Variants in CMIP observed in about 807,000 individuals in gnomAD.
CMIP encodes c-Maf inducing protein.
CMIP carries 13 observed loss-of-function variants against 97.3 expected under a neutral mutation model. That is an observed-to-expected ratio of 0.13 (90% CI 0.09 to 0.21). The LOEUF (loss-of-function observed/expected upper bound fraction) is 0.21. Among genes scored for constraint, CMIP ranks in the 10% least tolerant of loss-of-function variants. The probability of loss-of-function intolerance (pLI) is 1.00; values close to 1 mark genes in which losing one functional copy is unlikely to be tolerated. For synonymous variants in CMIP, 538 were observed against 436.3 expected (o/e 1.23, Z -2.91); for missense variants, 847 against 1,024.9 (o/e 0.83, Z 2.37).
chr16:81,497,247 C>T (rs1456479216), intron 1 of CMIP, among the ~76,000 whole-genome samples: 1 of 152,204 alleles, frequency 6.6e-6, no homozygotes, highest in East Asian at 1.9e-4. Context: ...TTTATGAGAA[C>T]AGCTGTCACT....
chr16:81,556,487 A>G (rs747526889), intron 1 of CMIP, among the ~76,000 whole-genome samples: 8 of 152,216 alleles, frequency 5.3e-5, no homozygotes, highest in South Asian at 2.1e-4. Flanking sequence ...TTTCTCCACA[A>G]TGTGCCAACG....
At chr16:81,541,609 G>A (rs1353080936) in intron 1 of CMIP, among the ~76,000 whole-genome samples, 1 of 152,240 alleles carries the variant, frequency 6.6e-6, no homozygotes. Flanking sequence ...TATGAAATAT[G>A]AGCGTGAAGA....
intron 1 of CMIP, among the ~76,000 whole-genome samples, chr16:81,531,179 A>G (rs193058259): frequency 6.6e-6 from 1 of 152,280 alleles, no homozygotes; most frequent in African/African-American, 2.4e-5. Flanking sequence ...CTGTGTCCGT[A>G]AAAGATGAGG....
At chr16:81,567,920 T>C (rs1442566771) in intron 1 of CMIP, among the ~76,000 whole-genome samples, 1 of 152,174 alleles carries the variant, frequency 6.6e-6, no homozygotes, top group Non-Finnish European at 1.5e-5. Context: ...TCCCCTAATG[T>C]TTCATTCTCC....
chr16:81,585,290 G>A (rs999311210), intron 1 of CMIP, among the ~76,000 whole-genome samples: 4 of 152,206 alleles, frequency 2.6e-5, no homozygotes, highest in African/African-American at 9.7e-5. Flanking sequence ...GCAGTGAGCC[G>A]AGATTGTGCC....
chr16:81,604,448 C>G (rs1166372960), intron 1 of CMIP, among the ~76,000 whole-genome samples: 1 of 149,484 alleles, frequency 6.7e-6, no homozygotes, highest in Non-Finnish European at 1.5e-5. Flanking sequence ...GCCTGTAATC[C>G]CAGCACTTTG....
Position 81,476,894 on chromosome 16 carries a change from G to T in CMIP, c.300+31353G>T, listed in dbSNP as rs16955430. Among the ~76,000 whole-genome samples, 510 of 152,000 alleles carry T rather than the reference G, an allele frequency of 3.4e-3. 5 individuals carry two copies. Among genetic ancestry groups the T allele is most frequent in the African/African-American group, 0.012 (480 of 41,442 alleles). ...ACGTCAGCCAAGTTCAGCTTCTCAG[G>T]CTCCCTAAGGATCTTTAGGAGACGG... On this transcript the variant is annotated intron_variant, in intron 1 of 20. Transcript: ENST00000537098.
intron 1 of CMIP, among the ~76,000 whole-genome samples, chr16:81,593,018 C>G (rs1486311837): frequency 1.3e-5 from 2 of 152,248 alleles, no homozygotes; most frequent in Non-Finnish European, 2.9e-5. Flanking sequence ...TCCCTCTTCT[C>G]ATGCCCACGA....
At chr16:81,517,869 G>C (rs1597496375) in intron 1 of CMIP, 2 of 898,168 alleles carry the variant, frequency 2.2e-6, no homozygotes, top group Non-Finnish European at 2.7e-6. Flanking sequence ...CCAGGGCGCA[G>C]AGTTGGCAGT....
chr16:81,661,128 G>T (rs559874823), intron 6 of CMIP, among the ~76,000 whole-genome samples, 182 bp downstream of exon 6: 1 of 152,336 alleles, frequency 6.6e-6, no homozygotes, highest in South Asian at 2.1e-4. Flanking sequence ...CCACGTCTCT[G>T]CCAGACAGGT....
chr16:81,701,829 C>G lies in CMIP; in HGVS notation c.1896+29C>G, dbSNP rs766441680. The G allele has an allele frequency of 9.9e-6, 16 of 1,612,200 alleles. No individual in the cohort carries two copies. In the Admixed American group the frequency reaches 2.7e-4, roughly 27 times the overall value. ...AGTCCCCGGCTGCTCCGGACCACTCCCCTGCCCAGCAGGCCAGGGGGGGCC... is the reference window on the plus strand; with the variant it reads ...AGTCCCCGGCTGCTCCGGACCACTCGCCTGCCCAGCAGGCCAGGGGGGGCC... On this transcript the variant is annotated intron_variant, in intron 16 of 20. Transcript: ENST00000537098.
chr16:81,647,455 C>A (rs2092376516), intron 3 of CMIP, among the ~76,000 whole-genome samples: 1 of 152,152 alleles, frequency 6.6e-6, no homozygotes, highest in Non-Finnish European at 1.5e-5. Flanking sequence ...CTATAGTTCA[C>A]CAACCCTGCT....
intron 1 of CMIP, among the ~76,000 whole-genome samples, chr16:81,548,672 C>G (rs1000948436): frequency 3.4e-5 from 5 of 147,356 alleles, no homozygotes; most frequent in African/African-American, 1.2e-4. Flanking sequence ...GAGACCATGC[C>G]TCTACAAAAA....
intron 4 of CMIP, among the ~76,000 whole-genome samples, chr16:81,657,049 TTA>T (rs200977672): frequency 7.3e-4 from 39 of 53,622 alleles, no homozygotes; most frequent in East Asian, 2.4e-3. Flanking sequence ...ATTCCAAAAT[TTA>T]AAAAAAAAAA....
intron 3 of CMIP, among the ~76,000 whole-genome samples, chr16:81,648,512 A>C (rs1227990789): frequency 6.6e-6 from 1 of 152,124 alleles, no homozygotes; most frequent in Non-Finnish European, 1.5e-5. Flanking sequence ...GGCCAGGCGC[A>C]GTGGCTGCCG....
chr16:81,462,416 C>G (rs1036607843), intron 1 of CMIP, among the ~76,000 whole-genome samples: 4 of 152,166 alleles, frequency 2.6e-5, no homozygotes, highest in African/African-American at 9.7e-5. Flanking sequence ...GGACACCTCC[C>G]TCTCTAGGGC....
intron 1 of CMIP, among the ~76,000 whole-genome samples, chr16:81,578,208 A>T (rs952114120): frequency 2.6e-5 from 4 of 152,070 alleles, no homozygotes; most frequent in African/African-American, 4.8e-5. Context: ...CATCACCATC[A>T]TCACCACCAT....
intron 1 of CMIP, among the ~76,000 whole-genome samples, chr16:81,459,185 G>A (rs1164120766): frequency 1.3e-5 from 2 of 152,166 alleles, no homozygotes; most frequent in Admixed American, 6.5e-5. Context: ...GTTTGGGTCC[G>A]TTTTTCCAGG....
At chr16:81,592,756 T>C (rs1008024289) in intron 1 of CMIP, among the ~76,000 whole-genome samples, 26 of 152,176 alleles carry the variant, frequency 1.7e-4, no homozygotes, top group African/African-American at 5.5e-4. Flanking sequence ...GTCTTAGCAG[T>C]GCCCCTTTCC....
Sources: allele counts gnomAD v4.1 joint callset (sites outside exome capture counted in the v4.1 genomes callset), GRCh38; gene constraint gnomAD v4.1.1; transcripts MANE v1.5; gene names NCBI Gene and HGNC (gene_info 2026-07-23, HGNC 2026-07-21).